Variants in EPS15 observed in about 807,000 individuals in gnomAD.
EPS15 encodes the protein epidermal growth factor receptor pathway substrate 15, also known as epidermal growth factor receptor substrate 15.
Under a neutral mutation model 113.8 loss-of-function variants are expected in EPS15, and 72 were observed. The ratio of observed to expected loss-of-function variants is 0.63; its 90% CI spans 0.52 to 0.77. The LOEUF is 0.77. EPS15 is among the 30% of genes least tolerant of loss of function. EPS15 has a pLI of 0.00. For synonymous variants in EPS15, 344 were observed against 363.4 expected, an observed-to-expected ratio of 0.95 and a Z score of 0.61; for missense variants, 1,048 against 1,045.8, an observed-to-expected ratio of 1.00 and a Z score of -0.03.
intron 12 of EPS15, among the ~76,000 whole-genome samples, chr1:51,435,444 G>T (rs112598865): frequency 0.063 from 9,565 of 151,702 alleles, 953 homozygotes; most frequent in African/African-American, 0.21. Flanking sequence ...TCCACACGCT[G>T]CAGCCTCCCA....
rs1570164705 is a variant in EPS15 at position 51,388,348 on chromosome 1, A to G, written c.2119+6033T>C. ...GTGTAGAGGGAAATTTATAGCACTA[A>G]ATGCCCACAAGACAAAGCAGGAAAG... is the stretch of plus-strand genomic sequence containing the variant. On this transcript the variant is annotated intron_variant, in intron 21 of 24. Transcript: ENST00000371733. Among the ~76,000 whole-genome samples the G allele has an allele frequency of 5.9e-5, 9 of 152,350 alleles. No individual in the cohort carries two copies. In the South Asian group the frequency reaches 1.9e-3, roughly 32 times the overall value.
chr1:51,443,202 A>G, intron 11 of EPS15, among the ~76,000 whole-genome samples: 1 of 152,134 alleles, frequency 6.6e-6, no homozygotes, highest in East Asian at 1.9e-4. Context: ...TCAAGCATCT[A>G]CTAACATAGA....
At chr1:51,482,352 GC>G (rs1248144745) in intron 1 of EPS15, among the ~76,000 whole-genome samples, 1 of 152,098 alleles carries the variant, frequency 6.6e-6, no homozygotes, top group African/African-American at 2.4e-5. Flanking sequence ...ACAAAGGCAT[GC>G]GATCAACAGA....
At chr1:51,439,090 A>G (rs1278796069) in intron 12 of EPS15, among the ~76,000 whole-genome samples, 1 of 152,128 alleles carries the variant, frequency 6.6e-6, no homozygotes, top group African/African-American at 2.4e-5. Context: ...GATGTACTAT[A>G]GCCCTCTTGC....
intron 12 of EPS15, among the ~76,000 whole-genome samples, chr1:51,430,673 T>C (rs1651634282): frequency 6.6e-6 from 1 of 152,132 alleles, no homozygotes; most frequent in African/African-American, 2.4e-5. Context: ...AAAAGTTCCT[T>C]TGCCAGGCAC....
chr1:51,429,644 T>G (rs79655430), intron 12 of EPS15, among the ~76,000 whole-genome samples: 3 of 73,670 alleles, frequency 4.1e-5, no homozygotes, highest in East Asian at 4.6e-4. Context: ...TTGTTGTTGG[T>G]TTTTTTTTTT....
At chr1:51,423,760 C>CA (rs1488808945) in intron 12 of EPS15, 1 of 982,752 alleles carries the variant, frequency 1.0e-6, no homozygotes, top group African/African-American at 1.7e-5. Flanking sequence ...TGAGCTGACT[C>CA]AAAGTAGCCA....
At chr1:51,375,455 CTGG>C (rs1336318262) in intron 21 of EPS15, among the ~76,000 whole-genome samples, 3 of 152,060 alleles carry the variant, frequency 2.0e-5, no homozygotes, top group Non-Finnish European at 4.4e-5. Context: ...ATCTTTTTGC[CTGG>C]TGGAATTCTA....
intron 21 of EPS15, among the ~76,000 whole-genome samples, chr1:51,384,046 GACAAT>G (rs1553189012): frequency 6.6e-6 from 1 of 152,078 alleles, no homozygotes; most frequent in Non-Finnish European, 1.5e-5. Context: ...CTTGTATACT[GACAAT>G]ACAATACATT....
At chr1:51,385,499 C>A (rs1258374084) in intron 21 of EPS15, among the ~76,000 whole-genome samples, 1 of 152,138 alleles carries the variant, frequency 6.6e-6, no homozygotes, top group Non-Finnish European at 1.5e-5. Context: ...ATAGTATGAT[C>A]ATTTCTCAAA....
At position 51,461,135 on chromosome 1, in the gene EPS15, C is replaced by T. The variant is rs774241685; in HGVS notation, c.517G>A (p.Asp173Asn). ...TCAAGCATTCCATCATGGTCAATAT[C>T]ACTCAACTCCCAAACCTTAAAAAGA... ...DILGRVWELS[D>N]IDHDGMLDRD... is the part of the protein sequence containing the mutation. Residue 173 changes from aspartate to asparagine, a missense_variant, in exon 8 of 25, where the codon GAT (aspartate) becomes AAT (asparagine). By Grantham distance (23) the Asp-to-Asn change is conservative (BLOSUM62 1). Coordinates refer to ENST00000371733, the MANE Select transcript of EPS15 (RefSeq NM_001981.3). 1 of 1,601,002 alleles carries T rather than the reference C, an allele frequency of 6.2e-7. No individual in the cohort carries two copies.
intron 13 of EPS15, among the ~76,000 whole-genome samples, chr1:51,418,793 AGT>A (rs1650484596): frequency 6.6e-6 from 1 of 152,184 alleles, no homozygotes; most frequent in African/African-American, 2.4e-5. Flanking sequence ...TCAGCTCTTA[AGT>A]GTTTGTTATT....
At chr1:51,446,452 TC>T (rs1653055108) in intron 10 of EPS15, among the ~76,000 whole-genome samples, 1 of 145,908 alleles carries the variant, frequency 6.9e-6, no homozygotes, top group African/African-American at 2.7e-5. Context: ...ACACTGTCAT[TC>T]TTTTTTTTTT....
intron 1 of EPS15, among the ~76,000 whole-genome samples, chr1:51,505,077 G>A (rs575846151): frequency 7.9e-5 from 12 of 151,604 alleles, no homozygotes; most frequent in African/African-American, 2.2e-4. Context: ...CCATGATTGC[G>A]CCACTGCACT....
rs1442660913 is a variant in EPS15 at position 51,409,572 on chromosome 1, T to C, written c.1238A>G (p.Lys413Arg). 1.2e-6 allele frequency: 2 copies of C among 1,613,812 alleles called. No homozygotes were observed. Among genetic ancestry groups the C allele is most frequent in the Non-Finnish European group, 1.7e-6 (2 of 1,179,956 alleles). Residue 413 changes from lysine (K) to arginine (R), a missense_variant, in exon 14 of 25, where the codon AAG becomes AGG. By Grantham distance (26) the Lys-to-Arg change is conservative (BLOSUM62 2). Transcript: ENST00000371733. ...CTCAGCACATTTCTTTCTGACTTCC[T>C]TGAGTTGCTCCTCCAGCTGGGCTTT... ...EQKAQLEEQLKEVRKKCAEEA... is the reference protein window; with the variant it reads ...EQKAQLEEQLREVRKKCAEEA...
chr1:51,496,610 T>G (rs546443962), intron 1 of EPS15, among the ~76,000 whole-genome samples: 1 of 152,354 alleles, frequency 6.6e-6, no homozygotes, highest in South Asian at 2.1e-4. Context: ...CTGAATTGCT[T>G]TCGGCAATTA....
intron 12 of EPS15, among the ~76,000 whole-genome samples, chr1:51,426,837 C>CTATATATATATA (rs1553124706): frequency 2.1e-5 from 3 of 143,568 alleles, no homozygotes; most frequent in South Asian, 2.2e-4. Context: ...CTCTCTCTCT[C>CTATATATATATA]TATATATATA....
intron 13 of EPS15, among the ~76,000 whole-genome samples, chr1:51,416,104 C>T (rs1351392635): frequency 1.3e-5 from 2 of 152,126 alleles, no homozygotes; most frequent in African/African-American, 2.4e-5. Context: ...TTCCTGCTCT[C>T]TCCTCCCCCG....
chr1:51,494,413 T>C (rs948189239), intron 1 of EPS15, among the ~76,000 whole-genome samples: 9 of 152,216 alleles, frequency 5.9e-5, no homozygotes, highest in African/African-American at 2.2e-4. Context: ...GATTCTACAA[T>C]TCATCATTTC....
Sources: allele counts gnomAD v4.1 joint callset (sites outside exome capture counted in the v4.1 genomes callset), GRCh38; gene constraint gnomAD v4.1.1; transcripts MANE v1.5; gene names NCBI Gene and HGNC (gene_info 2026-07-23, HGNC 2026-07-21).